Variants in RARB observed in about 807,000 individuals in gnomAD.
The protein encoded by RARB is retinoic acid receptor beta, also known as HBV-activated protein.
A neutral mutation model predicts 51.9 loss-of-function variants in RARB; 17 were observed. The observed-to-expected ratio is 0.33, with a 90% CI of 0.22 to 0.49. RARB has a LOEUF of 0.49. Ranked by LOEUF, RARB falls within the 20% of genes least tolerant of loss-of-function variation. The pLI is 0.99. For synonymous variants in RARB, 215 were observed against 195.4 expected (o/e 1.10, Z -0.84); for missense variants, 369 against 550.8 (o/e 0.67, Z 3.30).
At chr3:25,222,190 G>A (rs1004018924) in intron 5 of RARB, among the ~76,000 whole-genome samples, 6 of 152,154 alleles carry the variant, frequency 3.9e-5, no homozygotes, top group Non-Finnish European at 7.3e-5. Context: ...AGAAAGCATC[G>A]AGGGGCAGAT....
intron 5 of RARB, among the ~76,000 whole-genome samples, chr3:25,270,156 G>A (rs79807077): frequency 0.035 from 5,299 of 152,252 alleles, 93 homozygotes; most frequent in East Asian, 0.07. Flanking sequence ...ACTTATGGGT[G>A]TTAACTAGAG....
At chr3:25,315,406 C>T (rs1050276819) in intron 5 of RARB, among the ~76,000 whole-genome samples, 1 of 152,182 alleles carries the variant, frequency 6.6e-6, no homozygotes, top group Admixed American at 6.5e-5. Flanking sequence ...CGACCATGTA[C>T]ACAGTTTGCT....
intron 2 of RARB, among the ~76,000 whole-genome samples, chr3:25,003,414 A>C (rs1226683087): frequency 6.6e-6 from 1 of 152,144 alleles, no homozygotes; most frequent in African/African-American, 2.4e-5. Context: ...TAAATAAAAT[A>C]TAATGCTGGT....
chr3:25,008,381 C>A (rs1697320653), intron 2 of RARB, among the ~76,000 whole-genome samples: 1 of 152,102 alleles, frequency 6.6e-6, no homozygotes, highest in South Asian at 2.1e-4. Context: ...TTTATTTTGC[C>A]TGCTCACCTT....
chr3:25,235,054 G>C (rs1702271708), intron 5 of RARB, among the ~76,000 whole-genome samples: 1 of 152,128 alleles, frequency 6.6e-6, no homozygotes, highest in Non-Finnish European at 1.5e-5. Context: ...GCCAGAAATA[G>C]GAGTTTCTAT....
chr3:25,566,346 C>A (rs1700494344), intron 3 of RARB, among the ~76,000 whole-genome samples: 1 of 152,160 alleles, frequency 6.6e-6, no homozygotes, highest in South Asian at 2.1e-4. Flanking sequence ...CCCAGGAGTC[C>A]TTTATTCACA....
At position 25,398,563 on chromosome 3, in the gene RARB, C is replaced by T. The variant is rs7646235; in HGVS notation, c.179-62630C>T. Among the ~76,000 whole-genome samples the T allele has an allele frequency of 2.9e-3, 445 of 152,222 alleles. 4 individuals are homozygous for T. The highest frequency in any genetic ancestry group is 0.01 in the African/African-American group (416 of 41,528). The stretch of plus-strand genomic sequence containing the variant: ...GCCATATTTCCAATGGGAGAGATGA[C>T]AGTTTTAATGTTGAGATACACTGAT... On this transcript the variant is annotated intron_variant, in intron 5 of 11. Transcript: ENST00000383772.
chr3:24,955,886 TA>T (rs1238520950), intron 2 of RARB, among the ~76,000 whole-genome samples: 1 of 152,144 alleles, frequency 6.6e-6, no homozygotes, highest in Non-Finnish European at 1.5e-5. Context: ...CTCGGAAGAA[TA>T]GGTAAAATAT....
chr3:25,124,689 C>T (rs1699834676), intron 3 of RARB, among the ~76,000 whole-genome samples: 1 of 152,176 alleles, frequency 6.6e-6, no homozygotes, highest in Admixed American at 6.5e-5. Context: ...TGAAATGCAG[C>T]TTTGAGGTTT....
intron 2 of RARB, among the ~76,000 whole-genome samples, chr3:24,865,244 C>T (rs377142949): frequency 7.9e-5 from 12 of 152,168 alleles, no homozygotes; most frequent in African/African-American, 2.4e-4. Context: ...CCTGTGTATA[C>T]GGAAATTTAC....
intron 5 of RARB, among the ~76,000 whole-genome samples, chr3:25,241,960 C>T (rs1462039940): frequency 6.6e-6 from 1 of 152,214 alleles, no homozygotes; most frequent in Non-Finnish European, 1.5e-5. Context: ...TCTCCACATC[C>T]TCTCCAGCAT....
At chr3:25,038,931 G>C (rs967922322) in intron 2 of RARB, among the ~76,000 whole-genome samples, 1 of 152,158 alleles carries the variant, frequency 6.6e-6, no homozygotes, top group Non-Finnish European at 1.5e-5. Context: ...TGTTCTATTA[G>C]GGATTTGCTT....
At chr3:24,966,638 C>G (rs7644140) in intron 2 of RARB, among the ~76,000 whole-genome samples, 79 of 150,572 alleles carry the variant, frequency 5.2e-4, no homozygotes, top group African/African-American at 1.7e-3. Flanking sequence ...CTCTCTCTCT[C>G]TCTCTCTGAA....
chr3:25,406,535 CCA>C (rs1386267404), intron 5 of RARB, among the ~76,000 whole-genome samples: 1 of 152,184 alleles, frequency 6.6e-6, no homozygotes, highest in African/African-American at 2.4e-5. Context: ...TTGCACACCC[CCA>C]GTGTCTCTTC....
At chr3:25,193,401 G>A (rs766751551) in intron 5 of RARB, among the ~76,000 whole-genome samples, 1 of 151,978 alleles carries the variant, frequency 6.6e-6, no homozygotes, top group Non-Finnish European at 1.5e-5. Context: ...GAAGTAAAAA[G>A]ATAGGAACAT....
At chr3:25,043,226 CTTT>C (rs1175180671) in intron 2 of RARB, among the ~76,000 whole-genome samples, 1 of 152,068 alleles carries the variant, frequency 6.6e-6, no homozygotes, top group East Asian at 1.9e-4. Flanking sequence ...GAATCCATTT[CTTT>C]TTTAATGTTG....
intron 5 of RARB, among the ~76,000 whole-genome samples, chr3:25,288,850 A>G (rs1703716408): frequency 3.3e-5 from 5 of 151,756 alleles, no homozygotes; most frequent in African/African-American, 1.2e-4. Context: ...TCTTCATTCC[A>G]CTTGTTCTCT....
At chr3:25,135,136 T>G (rs1700012709) in intron 4 of RARB, among the ~76,000 whole-genome samples, 1 of 151,940 alleles carries the variant, frequency 6.6e-6, no homozygotes, top group South Asian at 2.1e-4. Context: ...AGAAAAACTT[T>G]CTGGGGTGGT....
In RARB at chr3:25,203,414, G is replaced by A. The variant is rs529517203; in HGVS notation, c.178+28839G>A. 9.2e-5 allele frequency among the ~76,000 whole-genome samples: 14 copies of A among 152,260 alleles called. No individual in the cohort carries two copies. The East Asian group carries it at 1.9e-3, about 21-fold the overall frequency. On this transcript the variant is annotated intron_variant, in intron 5 of 11. Coordinates refer to the RARB transcript ENST00000383772. ...TGCCAGTCTGTGTCTTTTAATTGGAGCATTTAGCCCATTTACATTTAAGGT... is the reference window on the plus strand; with the variant it reads ...TGCCAGTCTGTGTCTTTTAATTGGAACATTTAGCCCATTTACATTTAAGGT...
Sources: gnomAD v4.1 joint callset for allele counts (sites outside exome capture counted in the v4.1 genomes callset) on GRCh38, gnomAD v4.1.1 for gene constraint, MANE v1.5 for transcripts, NCBI Gene and HGNC (gene_info 2026-07-23, HGNC 2026-07-21) for gene names.